The following GALNT13 variants were observed in gnomAD, a reference collection of about 807,000 sequenced individuals.
GALNT13 encodes the protein polypeptide N-acetylgalactosaminyltransferase 13, also known as UDP-GalNAc:polypeptide N-acetylgalactosaminyltransferase 13.
A neutral mutation model predicts 64.2 loss-of-function variants in GALNT13; 28 were observed. That is an observed-to-expected ratio of 0.44 (90% CI 0.32 to 0.60). GALNT13 has a LOEUF of 0.60. GALNT13 is among the 20% of genes least tolerant of loss of function. GALNT13 has a pLI of 0.05. For missense variants in GALNT13, 577 were observed against 669.8 expected (o/e 0.86, Z 1.53); for synonymous variants, 214 against 224.6 (o/e 0.95, Z 0.42).
chr2:153,350,595 C>A, the GALNT13 span, among the ~76,000 whole-genome samples: 1 of 151,970 alleles, frequency 6.6e-6, no homozygotes, highest in East Asian at 1.9e-4. Context: ...GTTGGCCAGG[C>A]TGGTCTCGAA....
At chr2:154,178,434 A>C (rs1326214554) in intron 4 of GALNT13, among the ~76,000 whole-genome samples, 1 of 83,734 alleles carries the variant, frequency 1.2e-5, no homozygotes, top group Non-Finnish European at 2.3e-5. Context: ...GGGGAGGGGG[A>C]GGGATAGCAT....
chr2:153,429,830 C>A, the GALNT13 span, among the ~76,000 whole-genome samples: 1 of 152,118 alleles, frequency 6.6e-6, no homozygotes, highest in African/African-American at 2.4e-5. Context: ...CCCTCACCAT[C>A]ACCTATTTTT....
chr2:153,944,371 T>C, intron 2 of GALNT13, 23 bp from the exon 3 acceptor site: 1 of 752,354 alleles, frequency 1.3e-6, no homozygotes, highest in Non-Finnish European at 2.1e-6. Flanking sequence ...ATTAATGAAA[T>C]TTTCTTCTTT....
chr2:153,847,413 C>T, the GALNT13 span, among the ~76,000 whole-genome samples: 1 of 151,944 alleles, frequency 6.6e-6, no homozygotes, highest in African/African-American at 2.4e-5. Context: ...CACACACACA[C>T]ACACACAGTA....
At chr2:154,419,563 T>C (rs1700163355) in intron 11 of GALNT13, among the ~76,000 whole-genome samples, 1 of 152,166 alleles carries the variant, frequency 6.6e-6, no homozygotes, top group Non-Finnish European at 1.5e-5. Flanking sequence ...TCATAAGATA[T>C]TTAAAATTCA....
the GALNT13 span, among the ~76,000 whole-genome samples, chr2:153,107,930 A>T: frequency 1.3e-5 from 2 of 152,174 alleles, no homozygotes; most frequent in Admixed American, 1.3e-4. Flanking sequence ...TACAACACAT[A>T]TCATTTCCAA....
chr2:153,583,699 C>A, the GALNT13 span, among the ~76,000 whole-genome samples: 5 of 152,108 alleles, frequency 3.3e-5, no homozygotes, highest in African/African-American at 1.2e-4. Context: ...TGTCCTATGC[C>A]CCTTTTGAGA....
At chr2:153,930,204 GTTTA>G (rs1392246022) in intron 2 of GALNT13, among the ~76,000 whole-genome samples, 2 of 151,968 alleles carry the variant, frequency 1.3e-5, no homozygotes, top group Admixed American at 6.6e-5. Flanking sequence ...TTTTTTGCTT[GTTTA>G]TTTAAGTTCC....
chr2:154,394,073 G>A (rs1320408594), intron 9 of GALNT13, among the ~76,000 whole-genome samples: 2 of 10,748 alleles, frequency 1.9e-4, no homozygotes, highest in African/African-American at 5.3e-4. Flanking sequence ...GCGAGACTCC[G>A]TCTCAAAAAA....
At chr2:153,311,210 G>C in the GALNT13 span, among the ~76,000 whole-genome samples, 1 of 151,976 alleles carries the variant, frequency 6.6e-6, no homozygotes. Flanking sequence ...TGCAAGTTTT[G>C]GTAATAAATA....
intron 8 of GALNT13, among the ~76,000 whole-genome samples, chr2:154,275,696 C>T (rs1334724550): frequency 1.3e-5 from 2 of 152,182 alleles, no homozygotes; most frequent in African/African-American, 4.8e-5. Context: ...ACACAGAGTC[C>T]CCCCTGGACA....
chr2:153,711,432 GC>G, the GALNT13 span, among the ~76,000 whole-genome samples: 1 of 151,616 alleles, frequency 6.6e-6, no homozygotes, highest in African/African-American at 2.4e-5. Flanking sequence ...TAGGAACTAT[GC>G]CCAGCCCTTT....
the GALNT13 span, among the ~76,000 whole-genome samples, chr2:153,615,414 T>G: frequency 6.6e-6 from 1 of 152,094 alleles, no homozygotes; most frequent in African/African-American, 2.4e-5. Context: ...CTGGATCATA[T>G]GGTAGCTCAA....
intron 1 of GALNT13, among the ~76,000 whole-genome samples, chr2:153,876,619 T>C (rs1574023120): frequency 1.3e-5 from 2 of 152,168 alleles, no homozygotes; most frequent in East Asian, 3.9e-4. Flanking sequence ...GTGTTTTCAG[T>C]GTAGTGTATC....
the GALNT13 span, among the ~76,000 whole-genome samples, chr2:153,118,951 T>C: frequency 6.6e-6 from 1 of 152,126 alleles, no homozygotes; most frequent in African/African-American, 2.4e-5. Context: ...TGGGAGGCAA[T>C]TGAATCATGG....
the GALNT13 span, among the ~76,000 whole-genome samples, chr2:153,119,815 T>C: frequency 6.6e-6 from 1 of 152,220 alleles, no homozygotes; most frequent in African/African-American, 2.4e-5. Flanking sequence ...TTTCCAGAGT[T>C]TCTCTGAGAG....
the GALNT13 span, among the ~76,000 whole-genome samples, chr2:153,435,718 A>G: frequency 1.3e-5 from 2 of 152,094 alleles, no homozygotes; most frequent in African/African-American, 4.8e-5. Context: ...CAGCTTAAGG[A>G]GATTTTGGGC....
chr2:153,759,321 C>T, the GALNT13 span, among the ~76,000 whole-genome samples: 1 of 152,058 alleles, frequency 6.6e-6, no homozygotes, highest in African/African-American at 2.4e-5. Context: ...TGGCAAGGAG[C>T]GCTATAGTCA....
intron 4 of GALNT13, among the ~76,000 whole-genome samples, chr2:154,237,811 A>G (rs1689277732): frequency 6.6e-6 from 1 of 151,724 alleles, no homozygotes; most frequent in African/African-American, 2.4e-5. Context: ...ATTGTCATTC[A>G]CTATTTTTTC....
Sources: allele counts gnomAD v4.1 joint callset (sites outside exome capture counted in the v4.1 genomes callset), GRCh38; gene constraint gnomAD v4.1.1; transcripts MANE v1.5; gene names NCBI Gene and HGNC (gene_info 2026-07-23, HGNC 2026-07-21).